Variants in PGBD1 observed in about 807,000 individuals in gnomAD.
The protein encoded by PGBD1 is piggyBac transposable element-derived protein 1.
PGBD1 carries 25 observed loss-of-function variants against 34.7 expected under a neutral mutation model. The ratio of observed to expected loss-of-function variants is 0.72; its 90% CI spans 0.52 to 1.00. The LOEUF (loss-of-function observed/expected upper bound fraction) is 1.00, where lower values mean the gene tolerates loss of function less well. Among genes scored for constraint, PGBD1 ranks in the 50% least tolerant of loss-of-function variants. The pLI is 0.00. For missense variants in PGBD1, 830 were observed against 959.4 expected, an observed-to-expected ratio of 0.87 and a Z score of 1.78; for synonymous variants, 292 against 335.7, an observed-to-expected ratio of 0.87 and a Z score of 1.42.
At chr6:28,289,358 A>G (rs1429041985) in intron 4 of PGBD1, among the ~76,000 whole-genome samples, 5 of 152,236 alleles carry the variant, frequency 3.3e-5, no homozygotes, top group Non-Finnish European at 7.3e-5. Flanking sequence ...TCTTTCATAT[A>G]TGAAGGAGAA....
rs148252586 is a variant in PGBD1 at position 28,300,890 on chromosome 6, G to A, written c.1036G>A (p.Asp346Asn). 3.9e-3 allele frequency: 6,272 copies of A among 1,614,108 alleles called. 28 individuals carry two copies. Among genetic ancestry groups the A allele is most frequent in the Admixed American group, 0.012 (742 of 60,010 alleles). ...CATTACCCGAAAAGGGAGAAAAAAA[G>A]ACAAAGCTCGAGTGAGTGAACTGCT... is the stretch of plus-strand genomic sequence containing the variant. Reference protein sequence around the residue: ...GDITRKGRKKDKARVSELLQG... With the variant: ...GDITRKGRKKNKARVSELLQG... Residue 346 changes from aspartate to asparagine, a missense_variant, in exon 7 of 7, where the codon GAC becomes AAC. Transcript: ENST00000682144. The surrounding 1 kb of genome is among the most constrained non-coding windows in gnomAD (Gnocchi z 4.0).
At position 28,288,785 on chromosome 6, in the gene PGBD1, C is replaced by T. The variant is rs893956719; in HGVS notation, c.642+1617C>T. Among the ~76,000 whole-genome samples the T allele has an allele frequency of 5.9e-5, 9 of 151,914 alleles. No homozygotes were observed. In the South Asian group the frequency reaches 1.5e-3, roughly 25 times the overall value. On this transcript the variant is annotated intron_variant, in intron 4 of 6. Transcript: ENST00000682144. ...TGGGTGGATCACGAGGTCAGGAGTT[C>T]GAGACCAGCCTGGCCTACCTGGCAA...
At position 28,300,715 on chromosome 6, in the gene PGBD1, C is replaced by A; in HGVS notation, c.870-9C>A. On this transcript the variant is annotated splice_polypyrimidine_tract_variant and intron_variant, in intron 6 of 6. Coordinates refer to ENST00000682144, the MANE Select transcript of PGBD1 (RefSeq NM_032507.4). This position sits in a 1 kb window ranked among gnomAD's most constrained non-coding sequence, Gnocchi z 4.0. ...GATTTTTATAACATGTTCTTTTTTT[C>A]TTTCCCAGAGAGTGTGCACCCCAGA... The A allele has an allele frequency of 2.6e-6, 4 of 1,563,390 alleles. No homozygotes were observed. The highest frequency in any genetic ancestry group is 2.0e-5 in the Admixed American group (1 of 50,318).
intron 3 of PGBD1, 131 bp from the exon 4 acceptor site, chr6:28,286,949 C>T: frequency 1.4e-6 from 1 of 704,894 alleles, no homozygotes; most frequent in Non-Finnish European, 2.5e-6. Flanking sequence ...CTTTCTCACA[C>T]TGTAAAATCT....
At chr6:28,284,257 T>A in intron 2 of PGBD1, 48 bp downstream of exon 2, 1 of 1,456,592 alleles carries the variant, frequency 6.9e-7, no homozygotes, top group East Asian at 2.4e-5. Context: ...AAGGGGGACA[T>A]GTATCGGTTT....
chr6:28,301,803 T>G lies in PGBD1; in HGVS notation c.1949T>G (p.Ile650Ser). Residue 650 changes from isoleucine (I) to serine (S), a missense_variant, in exon 7 of 7, where the codon ATT becomes AGT. By Grantham distance (142) the Ile-to-Ser change is moderately radical (BLOSUM62 -2). Around this residue, in one of 3 missense-constraint regions of PGBD1, gnomAD observed 372 missense variants for 427.9 expected, o/e 0.87. Transcript: ENST00000682144. ...AAGGGGGTGAGGGCAACAGGAACAA[T>G]TCGTGAGAACAGGACCGAAAAATGT... is the stretch of plus-strand genomic sequence containing the variant. ...KKKGVRATGT[I>S]RENRTEKCPL... The G allele has an allele frequency of 6.2e-7, 1 of 1,614,146 alleles. No homozygotes were observed. Among genetic ancestry groups the G allele is most frequent in the Non-Finnish European group, 8.5e-7 (1 of 1,180,040 alleles).
At position 28,285,632 on chromosome 6, in the gene PGBD1, C is replaced by T. The variant is rs1762263813; in HGVS notation, c.478C>T (p.Gln160Ter). The change falls in exon 3 of 7, where the codon CAG (glutamine) becomes TAG (stop). Residue 160 changes from glutamine to a stop codon, truncating the protein, a stop_gained. Coordinates refer to ENST00000682144, the MANE Select transcript of PGBD1 (RefSeq NM_032507.4). LOFTEE classifies it high-confidence loss of function. ...AGTCTCTTTGGAGTGTCAGAGCCTC[C>T]AGCTCCTGCCTGGGATAACCACCCT... Reference protein sequence around the residue: ...QGVSLECQSLQLLPGITTLKC... With the variant: ...QGVSLECQSL 1.2e-6 allele frequency: 2 copies of T among 1,614,128 alleles called. No individual in the cohort carries two copies. The highest frequency in any genetic ancestry group is 1.7e-6 in the Non-Finnish European group (2 of 1,180,018).
intron 2 of PGBD1, among the ~76,000 whole-genome samples, 199 bp from the exon 3 acceptor site, chr6:28,285,352 A>G (rs1016982214): frequency 4.6e-5 from 7 of 152,154 alleles, no homozygotes; most frequent in Non-Finnish European, 1.5e-5. Context: ...GGTGGTGTAC[A>G]TATCCTGTTC....
rs929714415 is a variant in PGBD1 at position 28,286,321 on chromosome 6, C to G, written c.553+614C>G. On this transcript the variant is annotated intron_variant, in intron 3 of 6. Transcript: ENST00000682144. ...ATTTGATAATTTTGTACTCTGCCAT[C>G]TGCCAACTGCCAACTTTGTGACCTA... 2.0e-5 allele frequency among the ~76,000 whole-genome samples: 3 copies of G among 152,222 alleles called. 1 individual carries two copies. Among genetic ancestry groups the G allele is most frequent in the Admixed American group, 2.0e-4 (3 of 15,282 alleles).
chr6:28,286,947 C>A, intron 3 of PGBD1, 133 bp from the exon 4 acceptor site: 1 of 695,466 alleles, frequency 1.4e-6, no homozygotes, highest in Non-Finnish European at 2.5e-6. Flanking sequence ...CTCTTTCTCA[C>A]ACTGTAAAAT....
intron 1 of PGBD1, among the ~76,000 whole-genome samples, chr6:28,282,983 A>T (rs2113739538): frequency 6.6e-6 from 1 of 152,362 alleles, no homozygotes; most frequent in South Asian, 2.1e-4. Flanking sequence ...GCTGAAAACA[A>T]GCTCAGCTTA....
intron 3 of PGBD1, among the ~76,000 whole-genome samples, chr6:28,286,548 A>G (rs1581629357): frequency 6.6e-6 from 1 of 152,162 alleles, no homozygotes; most frequent in South Asian, 2.1e-4. Flanking sequence ...CATCATCACC[A>G]TTTTGATTAT....
intron 4 of PGBD1, among the ~76,000 whole-genome samples, chr6:28,295,889 T>A (rs1448934502): frequency 1.3e-5 from 2 of 152,140 alleles, no homozygotes. Flanking sequence ...TATCTGTAGT[T>A]TGGAATAGGG....
At chr6:28,288,413 T>G (rs891251214) in intron 4 of PGBD1, among the ~76,000 whole-genome samples, 8 of 152,156 alleles carry the variant, frequency 5.3e-5, no homozygotes, top group Non-Finnish European at 1.0e-4. Context: ...GCCTATCTGG[T>G]TAGGATCTCA....
rs995589376 is a variant in PGBD1, at chr6:28,302,424, A to G, written c.*140A>G. On this transcript the variant is annotated 3_prime_UTR_variant, in exon 7 of 7. Coordinates refer to ENST00000682144, the MANE Select transcript of PGBD1 (RefSeq NM_032507.4). ...ATACTTTTAAAAATCAGACATTTAT[A>G]TAGAGTTTCAAAGACTATTGTAACA... The G allele has an allele frequency of 3.3e-5, 30 of 906,794 alleles. No individual in the cohort carries two copies. In the East Asian group the frequency reaches 4.9e-4, roughly 15 times the overall value. The allele number at this position is 906,794 out of a possible 1,614,324, so 56.2% of individuals were successfully genotyped here.
chr6:28,291,937 A>G (rs574100066), intron 4 of PGBD1, among the ~76,000 whole-genome samples: 2 of 152,162 alleles, frequency 1.3e-5, no homozygotes, highest in African/African-American at 2.4e-5. Context: ...TTGGTATAAA[A>G]GGAACATACC....
chr6:28,287,308 A>G (rs73385806), intron 4 of PGBD1, 140 bp downstream of exon 4: 7,650 of 709,670 alleles, frequency 0.011, 116 homozygotes, highest in African/African-American at 0.06. Flanking sequence ...TCACCTTGTC[A>G]CAGAATATCA....
In PGBD1 at chr6:28,284,145, G is replaced by T. The variant is rs1404692424; in HGVS notation, c.332G>T (p.Ser111Ile). 2 of 1,605,992 alleles carry T rather than the reference G, an allele frequency of 1.2e-6. No individual in the cohort carries two copies. Among genetic ancestry groups the T allele is most frequent in the Non-Finnish European group, 1.7e-6 (2 of 1,175,316 alleles). Reference protein sequence around the residue: ...QPCVKTYPLESGEEAVTVLEN... With the variant: ...QPCVKTYPLEIGEEAVTVLEN... ...TGTGTGAAGACATATCCTCTGGAGA[G>T]TGGAGAGGAGGCAGTGACAGTGCTG... The change falls in exon 2 of 7, where the codon AGT becomes ATT. Residue 111 changes from serine to isoleucine, a missense_variant. Ser to Ile is a moderately radical substitution (Grantham distance 142, BLOSUM62 -2). This residue lies in a region of PGBD1 where 457 missense variants were observed against 515.4 expected (regional missense o/e 0.89). Coordinates refer to ENST00000682144, the MANE Select transcript of PGBD1 (RefSeq NM_032507.4).
intron 4 of PGBD1, among the ~76,000 whole-genome samples, chr6:28,294,516 G>A (rs995835296): frequency 6.6e-6 from 1 of 152,164 alleles, no homozygotes; most frequent in African/African-American, 2.4e-5. Context: ...AGCTTCAAAG[G>A]ACAGCCTGAC....
Sources: gnomAD v4.1 joint callset for allele counts (sites outside exome capture counted in the v4.1 genomes callset) on GRCh38, gnomAD v4.1.1 for gene constraint, gnomAD v4.1.1 regional missense constraint, Gnocchi (gnomAD v3.1) non-coding constraint, MANE v1.5 for transcripts, NCBI Gene and HGNC (gene_info 2026-07-23, HGNC 2026-07-21) for gene names.